ZNF589: variants seen among roughly 807,000 people sequenced by gnomAD.
ZNF589 encodes KRAB-zinc finger protein SZF1-1.
Under a neutral mutation model 13.6 loss-of-function variants are expected in ZNF589, and 17 were observed. That is an observed-to-expected ratio of 1.25 (90% CI 0.86 to 1.88). The LOEUF (loss-of-function observed/expected upper bound fraction) is 1.88, where lower values mean the gene tolerates loss of function less well. Among genes scored for constraint, ZNF589 ranks in the 40% most tolerant of loss-of-function variants. The probability of loss-of-function intolerance (pLI) is 0.00; values close to 1 mark genes in which losing one functional copy is unlikely to be tolerated. For missense variants in ZNF589, 407 were observed against 434.0 expected (o/e 0.94, Z 0.55); for synonymous variants, 148 against 161.6 (o/e 0.92, Z 0.64).
chr3:48,246,473 A>G (rs900650438), intron 1 of ZNF589, among the ~76,000 whole-genome samples: 1 of 152,130 alleles, frequency 6.6e-6, no homozygotes, highest in Non-Finnish European at 1.5e-5. Context: ...AAACAATATA[A>G]TAATTATTAT....
chr3:48,241,949 G>A (rs2033703420), intron 1 of ZNF589, among the ~76,000 whole-genome samples: 1 of 152,004 alleles, frequency 6.6e-6, no homozygotes, highest in Admixed American at 6.6e-5. Flanking sequence ...CGGAGTAGCT[G>A]GGATTACAGG....
intron 2 of ZNF589, among the ~76,000 whole-genome samples, chr3:48,250,298 TCTA>T (rs1320745854): frequency 2.7e-5 from 4 of 146,668 alleles, no homozygotes; most frequent in Non-Finnish European, 4.5e-5. Flanking sequence ...TATTTTACTC[TCTA>T]CTTTCTTTTT....
At chr3:48,242,380 G>A (rs1361576150) in intron 1 of ZNF589, among the ~76,000 whole-genome samples, 1 of 151,840 alleles carries the variant, frequency 6.6e-6, no homozygotes, top group Non-Finnish European at 1.5e-5. Context: ...CCAAAGTGTT[G>A]GGATTACAGG....
At chr3:48,254,726 G>T (rs1173566074) in intron 2 of ZNF589, among the ~76,000 whole-genome samples, 2 of 151,956 alleles carry the variant, frequency 1.3e-5, no homozygotes, top group African/African-American at 2.4e-5. Flanking sequence ...TTGGTGCTCT[G>T]TGTGTATGTG....
At chr3:48,265,383 T>A (rs758308275) in intron 3 of ZNF589, among the ~76,000 whole-genome samples, 6 of 147,594 alleles carry the variant, frequency 4.1e-5, no homozygotes, top group Non-Finnish European at 8.9e-5. Flanking sequence ...CCTCCTGGAA[T>A]TGAAGCAATT....
chr3:48,260,194 A>C (rs144571488), intron 2 of ZNF589, among the ~76,000 whole-genome samples: 1 of 152,058 alleles, frequency 6.6e-6, no homozygotes, highest in Non-Finnish European at 1.5e-5. Context: ...CTGGAGTGCA[A>C]TGGTGCGATC....
chr3:48,258,263 G>A (rs2033930877), intron 2 of ZNF589, among the ~76,000 whole-genome samples: 1 of 152,030 alleles, frequency 6.6e-6, no homozygotes, highest in Non-Finnish European at 1.5e-5. Flanking sequence ...GTTATGTTAG[G>A]CACCTCTTTT....
At position 48,260,803 on chromosome 3, in the gene ZNF589, G is replaced by A; in HGVS notation, c.97-10G>A. 1 of 1,614,056 alleles carries A rather than the reference G, an allele frequency of 6.2e-7. No individual in the cohort carries two copies. The highest frequency in any genetic ancestry group is 8.5e-7 in the Non-Finnish European group (1 of 1,179,984). ...TGACTTGATGAATATGAATTTATCG[G>A]TTGATTTAGGGACCAGTGACTTTCG... On this transcript the variant is annotated splice_polypyrimidine_tract_variant and intron_variant, in intron 2 of 3. Coordinates refer to ENST00000354698, the MANE Select transcript of ZNF589 (RefSeq NM_016089.3).
chr3:48,250,697 C>T lies in ZNF589; in HGVS notation c.96+3020C>T, dbSNP rs181690290. Among the ~76,000 whole-genome samples, 599 of 152,234 alleles carry T rather than the reference C, an allele frequency of 3.9e-3. 2 individuals are homozygous for T. The highest frequency in any genetic ancestry group is 6.0e-3 in the Non-Finnish European group (408 of 68,010). The stretch of plus-strand genomic sequence containing the variant: ...GTGTTGGCCAGGCTGGTCTCGAACT[C>T]CTGACCTCAGGTGATCCGCCCTCCT... On this transcript the variant is annotated intron_variant, in intron 2 of 3. Transcript: ENST00000354698.
intron 3 of ZNF589, among the ~76,000 whole-genome samples, chr3:48,265,091 C>T (rs1483511990): frequency 1.3e-5 from 2 of 151,018 alleles, no homozygotes; most frequent in Non-Finnish European, 2.9e-5. Flanking sequence ...CCTGCCTCAG[C>T]CTCCCGAGTA....
chr3:48,267,400 A>AAT (rs1559983647), intron 3 of ZNF589, among the ~76,000 whole-genome samples: 2 of 146,988 alleles, frequency 1.4e-5, no homozygotes. Context: ...AAATAGAAGA[A>AAT]TTTTTTTTTT....
At chr3:48,252,380 A>C (rs922805466) in intron 2 of ZNF589, among the ~76,000 whole-genome samples, 5 of 151,628 alleles carry the variant, frequency 3.3e-5, no homozygotes, top group Non-Finnish European at 7.4e-5. Flanking sequence ...TTTAGTAGAG[A>C]TGGGGTTTCA....
intron 2 of ZNF589, among the ~76,000 whole-genome samples, chr3:48,258,286 T>C (rs2033931328): frequency 6.6e-6 from 1 of 152,164 alleles, no homozygotes; most frequent in Admixed American, 6.6e-5. Flanking sequence ...GCGGGAGTGA[T>C]TGTAAATGGT....
In ZNF589 at chr3:48,258,729, A is replaced by G. The variant is rs529846960; in HGVS notation, c.97-2084A>G. On this transcript the variant is annotated intron_variant, in intron 2 of 3. Coordinates refer to ENST00000354698, the MANE Select transcript of ZNF589 (RefSeq NM_016089.3). ...GGTGTCATTATCAAGCCCATTTTAT[A>G]GATGTGGAAACTAAGACACAGAGAG... 9.8e-5 allele frequency among the ~76,000 whole-genome samples: 15 copies of G among 152,332 alleles called. No homozygotes were observed. In the South Asian group the frequency reaches 3.1e-3, roughly 32 times the overall value.
At chr3:48,246,140 C>T (rs900784891) in intron 1 of ZNF589, among the ~76,000 whole-genome samples, 14 of 152,052 alleles carry the variant, frequency 9.2e-5, no homozygotes, top group African/African-American at 3.1e-4. Flanking sequence ...TGGTGAAACC[C>T]CCATCTCTAC....
intron 2 of ZNF589, chr3:48,256,492 C>T (rs1010972992): frequency 1.7e-6 from 1 of 598,362 alleles, no homozygotes; most frequent in Non-Finnish European, 3.1e-6. Flanking sequence ...GGGTCAGGTA[C>T]TGGTTGAATT....
At position 48,268,736 on chromosome 3, in the gene ZNF589, A is replaced by G. The variant is rs1290716707; in HGVS notation, c.1045A>G (p.Lys349Glu). ...CTTTCGTGAAAAGTCAGAGCTCATT[A>G]AGCACCAGAGAATTCACACGGGGGA... is the stretch of plus-strand genomic sequence containing the variant. ...RGFREKSELI[K>E]HQRIHTGDKP... Residue 349 changes from lysine (K) to glutamate (E), a missense_variant, in exon 4 of 4, where the codon AAG becomes GAG. Lys to Glu is a moderately conservative substitution (Grantham distance 56). Transcript: ENST00000354698. 5.0e-6 allele frequency: 8 copies of G among 1,613,084 alleles called. No individual in the cohort carries two copies. The highest frequency in any genetic ancestry group is 6.8e-6 in the Non-Finnish European group (8 of 1,179,654).
rs760949090 is a variant in ZNF589, at chr3:48,268,142, G to A, written c.451G>A (p.Val151Ile). Residue 151 changes from valine (V) to isoleucine (I), a missense_variant, in exon 4 of 4, where the codon GTC (valine) becomes ATC (isoleucine). Coordinates refer to ENST00000354698, the MANE Select transcript of ZNF589 (RefSeq NM_016089.3). ...EAEDQRVEGGVRPLFWSTNER... is the reference protein window; with the variant it reads ...EAEDQRVEGGIRPLFWSTNER... ...AGAAGATCAACGAGTGGAAGGAGGCGTCAGACCCTTGTTTTGGAGTACAAA... is the reference window on the plus strand; with the variant it reads ...AGAAGATCAACGAGTGGAAGGAGGCATCAGACCCTTGTTTTGGAGTACAAA... 48 of 1,613,922 alleles carry A rather than the reference G, an allele frequency of 3.0e-5. No individual in the cohort carries two copies. The highest frequency in any genetic ancestry group is 1.6e-4 in the Middle Eastern group (1 of 6,084).
chr3:48,260,705 G>A (rs753895648), intron 2 of ZNF589, 108 bp from the exon 3 acceptor site: 38 of 1,520,968 alleles, frequency 2.5e-5, no homozygotes, highest in South Asian at 1.6e-4. Flanking sequence ...CACCGTGCCC[G>A]GCCTAGATCA....
Sources: gnomAD v4.1 joint callset for allele counts (sites outside exome capture counted in the v4.1 genomes callset) on GRCh38, gnomAD v4.1.1 for gene constraint, MANE v1.5 for transcripts, NCBI Gene and HGNC (gene_info 2026-07-23, HGNC 2026-07-21) for gene names.